OR51B5: variants seen among roughly 807,000 people sequenced by gnomAD.
OR51B5 encodes the protein olfactory receptor 51B5.
For synonymous variants in OR51B5, 186 were observed against 144.8 expected, an observed-to-expected ratio of 1.28 and a Z score of -2.04; for missense variants, 456 against 374.6, an observed-to-expected ratio of 1.22 and a Z score of -1.79.
chr11:5,346,340 G>A (rs553063962), upstream of OR51B5: 4 of 152,188 alleles, frequency 2.6e-5, no homozygotes, highest in East Asian at 5.8e-4. Flanking sequence ...TCAGCTAGTC[G>A]TGGCTCTTGG....
At chr11:5,407,376 G>T (rs1384657303) in intron 1 of OR51B5, among the ~76,000 whole-genome samples, 1 of 152,114 alleles carries the variant, frequency 6.6e-6, no homozygotes, top group African/African-American at 2.4e-5. Context: ...CTGAGTTTCA[G>T]CTGCCTTAAA....
At chr11:5,386,159 G>C (rs1849692790) in intron 1 of OR51B5, among the ~76,000 whole-genome samples, 1 of 151,936 alleles carries the variant, frequency 6.6e-6, no homozygotes, top group Non-Finnish European at 1.5e-5. Context: ...AAACAGGGGT[G>C]GTTTTTGCCA....
chr11:5,431,785 C>T (rs1253336691), intron 1 of OR51B5, among the ~76,000 whole-genome samples: 1 of 152,222 alleles, frequency 6.6e-6, no homozygotes, highest in Non-Finnish European at 1.5e-5. Context: ...ACATCCTCTT[C>T]TCTCCTCCTG....
intron 1 of OR51B5, among the ~76,000 whole-genome samples, chr11:5,360,561 A>G (rs1849267743): frequency 6.6e-6 from 1 of 151,994 alleles, no homozygotes; most frequent in Non-Finnish European, 1.5e-5. Context: ...AACTAGTTCA[A>G]CCATTGTGGA....
At chr11:5,351,364 A>G in intron 1 of OR51B5, 3 of 630,626 alleles carry the variant, frequency 4.8e-6, no homozygotes, top group Admixed American at 3.0e-5. Flanking sequence ...CCCAGGAATG[A>G]CTAAATTATC....
At chr11:5,435,294 G>T (rs910914597) in intron 1 of OR51B5, among the ~76,000 whole-genome samples, 1 of 152,130 alleles carries the variant, frequency 6.6e-6, no homozygotes, top group African/African-American at 2.4e-5. Flanking sequence ...GGTCTTAAAC[G>T]TGCTTTCTCT....
intron 1 of OR51B5, among the ~76,000 whole-genome samples, chr11:5,432,612 A>G (rs1045611845): frequency 6.6e-6 from 1 of 152,236 alleles, no homozygotes; most frequent in Non-Finnish European, 1.5e-5. Context: ...TTTTCTCAGT[A>G]TCTCTACCTG....
intron 1 of OR51B5, among the ~76,000 whole-genome samples, chr11:5,478,433 A>T (rs1455388644): frequency 5.3e-5 from 8 of 152,026 alleles, no homozygotes; most frequent in Admixed American, 5.2e-4. Context: ...GAAAAACTGG[A>T]AACTCTAAAA....
chr11:5,360,117 T>C (rs1849257398), intron 1 of OR51B5, among the ~76,000 whole-genome samples: 1 of 151,708 alleles, frequency 6.6e-6, no homozygotes, highest in Non-Finnish European at 1.5e-5. Context: ...CCAAAAGCAA[T>C]GGCAACAAAA....
chr11:5,438,442 G>C (rs1850622898), intron 1 of OR51B5, among the ~76,000 whole-genome samples: 2 of 151,796 alleles, frequency 1.3e-5, no homozygotes, highest in South Asian at 2.1e-4. Flanking sequence ...TTAAAACTCA[G>C]ATCTGGATCT....
intron 1 of OR51B5, among the ~76,000 whole-genome samples, chr11:5,358,785 C>T (rs1374917961): frequency 6.6e-6 from 1 of 152,154 alleles, no homozygotes; most frequent in Non-Finnish European, 1.5e-5. Context: ...CATCCAAAAG[C>T]TTATCCACCA....
intron 1 of OR51B5, among the ~76,000 whole-genome samples, chr11:5,384,476 A>G (rs1311904523): frequency 6.6e-6 from 1 of 152,196 alleles, no homozygotes; most frequent in East Asian, 1.9e-4. Flanking sequence ...CTCTTGCTGG[A>G]AAAGAGGCGA....
At chr11:5,489,141 C>T (rs1200471381) in intron 1 of OR51B5, 1 of 1,613,956 alleles carries the variant, frequency 6.2e-7, no homozygotes, top group Non-Finnish European at 8.5e-7. Context: ...CTGTCATAGG[C>T]AGAATTGGCT....
intron 1 of OR51B5, among the ~76,000 whole-genome samples, chr11:5,450,674 G>A (rs1411497506): frequency 6.6e-6 from 1 of 152,098 alleles, no homozygotes; most frequent in Non-Finnish European, 1.5e-5. Context: ...TTGTTTAGGG[G>A]TACCTGTGAA....
chr11:5,386,715 G>A (rs1564795981), intron 1 of OR51B5, among the ~76,000 whole-genome samples: 1 of 151,760 alleles, frequency 6.6e-6, no homozygotes, highest in Non-Finnish European at 1.5e-5. Flanking sequence ...CAGGCAAGCA[G>A]GTGTGGAAAA....
intron 1 of OR51B5, among the ~76,000 whole-genome samples, chr11:5,349,009 G>A (rs1217419774): frequency 6.6e-6 from 1 of 152,148 alleles, no homozygotes; most frequent in African/African-American, 2.4e-5. Flanking sequence ...GGCTCCTGCT[G>A]AGGTGTCTGC....
At chr11:5,458,185 T>C (rs1304671422) in intron 1 of OR51B5, among the ~76,000 whole-genome samples, 1 of 152,222 alleles carries the variant, frequency 6.6e-6, no homozygotes, top group Non-Finnish European at 1.5e-5. Flanking sequence ...CTACTGGGTA[T>C]GGTTAGCCAG....
chr11:5,399,504 G>A (rs751251179), intron 1 of OR51B5, among the ~76,000 whole-genome samples: 5 of 152,076 alleles, frequency 3.3e-5, no homozygotes, highest in East Asian at 1.9e-4. Flanking sequence ...AAGTTATACC[G>A]AACATAAGAT....
In OR51B5 at chr11:5,482,351, C is replaced by T. The variant is rs112704938; in HGVS notation, n.84+23218G>A. 5.6e-3 allele frequency among the ~76,000 whole-genome samples: 370 copies of T among 66,002 alleles called. 12 individuals carry two copies. Among genetic ancestry groups the T allele is most frequent in the South Asian group, 0.013 (13 of 1,030 alleles). The allele number at this position is 66,002 out of a possible 152,430, so 43.3% of individuals were successfully genotyped here. A position where few individuals can be genotyped will look rare whatever the true frequency, so the allele number is the denominator to read the frequency against. On this transcript the variant is annotated intron_variant and non_coding_transcript_variant, in intron 1 of 4. Coordinates refer to the OR51B5 transcript ENST00000415970. ...CCTTCCTTACACCTTATACAAAAATCAATTCAAGATGGATTAAAGACTTAA... is the reference window on the plus strand; with the variant it reads ...CCTTCCTTACACCTTATACAAAAATTAATTCAAGATGGATTAAAGACTTAA...
Sources: gnomAD v4.1 joint callset for allele counts (sites outside exome capture counted in the v4.1 genomes callset) on GRCh38, gnomAD v4.1.1 for gene constraint, MANE v1.5 for transcripts, NCBI Gene and HGNC (gene_info 2026-07-23, HGNC 2026-07-21) for gene names.